The following NUDT21 variants were observed in gnomAD, a reference collection of about 807,000 sequenced individuals.
The protein encoded by NUDT21 is nudix hydrolase 21, also known as cleavage and polyadenylation specificity factor subunit 5.
NUDT21 carries 5 observed loss-of-function variants against 29.8 expected under a neutral mutation model. That is an observed-to-expected ratio of 0.17 (90% confidence interval 0.09 to 0.35). The LOEUF (loss-of-function observed/expected upper bound fraction) is 0.35. Ranked by LOEUF, NUDT21 falls within the 10% of genes least tolerant of loss-of-function variation. The probability of loss-of-function intolerance (pLI) is 1.00; values close to 1 mark genes in which losing one functional copy is unlikely to be tolerated. For synonymous variants in NUDT21, 113 were observed against 98.5 expected (o/e 1.15, Z -0.87); for missense variants, 76 against 276.0 (o/e 0.28, Z 5.13).
intron 6 of NUDT21, among the ~76,000 whole-genome samples, chr16:56,433,541 T>C (rs1386185302): frequency 6.6e-6 from 1 of 152,178 alleles, no homozygotes; most frequent in Non-Finnish European, 1.5e-5. Context: ...TTTAAAAAAC[T>C]GCATTTCTTA....
Position 56,430,039 on chromosome 16 carries a change from G to T in NUDT21, c.*2673C>A, listed in dbSNP as rs538364451. 1.7e-4 allele frequency: 26 copies of T among 152,240 alleles called. No individual in the cohort carries two copies. Among genetic ancestry groups the T allele is most frequent in the African/African-American group, 5.5e-4 (23 of 41,534 alleles). 9.4% of individuals were successfully genotyped at this position (152,240 alleles called of 1,614,324 possible). A position where few individuals can be genotyped will look rare whatever the true frequency, so the allele number is the denominator to read the frequency against. On this transcript the variant is annotated 3_prime_UTR_variant, in exon 7 of 7. Coordinates refer to ENST00000300291, the MANE Select transcript of NUDT21 (RefSeq NM_007006.3). ...GGAAGAAAACAGACTGGCTAATTTGGTCACACTTTGTCCAAATACAGTGTT... is the reference window on the plus strand; with the variant it reads ...GGAAGAAAACAGACTGGCTAATTTGTTCACACTTTGTCCAAATACAGTGTT...
intron 1 of NUDT21, among the ~76,000 whole-genome samples, chr16:56,450,793 C>T (rs1423113321): frequency 1.3e-5 from 2 of 152,198 alleles, no homozygotes; most frequent in African/African-American, 4.8e-5. Flanking sequence ...ATTTTGAAGT[C>T]GGTTACCTCT....
In NUDT21 at chr16:56,430,203, C is replaced by T. The variant is rs1389560014; in HGVS notation, c.*2509G>A. On this transcript the variant is annotated 3_prime_UTR_variant, in exon 7 of 7. Coordinates refer to ENST00000300291, the MANE Select transcript of NUDT21 (RefSeq NM_007006.3). The stretch of plus-strand genomic sequence containing the variant: ...ATTATTACGCCATTTTAAGTATTAT[C>T]TACTTTTTTAAAAAATCACAGTGGT... The T allele has an allele frequency of 1.3e-5, 2 of 152,190 alleles. No individual in the cohort carries two copies. The highest frequency in any genetic ancestry group is 4.8e-5 in the African/African-American group (2 of 41,452). 9.4% of individuals were successfully genotyped at this position (152,190 alleles called of 1,614,324 possible).
chr16:56,447,304 T>G (rs1962230345), intron 2 of NUDT21, among the ~76,000 whole-genome samples: 1 of 152,202 alleles, frequency 6.6e-6, no homozygotes, highest in African/African-American at 2.4e-5. Context: ...AATGGGAAAC[T>G]TTTTCAAGAA....
intron 3 of NUDT21, among the ~76,000 whole-genome samples, chr16:56,444,092 C>A (rs1468236079): frequency 5.3e-5 from 8 of 152,076 alleles, no homozygotes; most frequent in African/African-American, 1.9e-4. Flanking sequence ...CCAGCCTGGG[C>A]AACATAGCAC....
chr16:56,441,725 A>G (rs1324067636), intron 3 of NUDT21, among the ~76,000 whole-genome samples: 1 of 152,192 alleles, frequency 6.6e-6, no homozygotes, highest in Non-Finnish European at 1.5e-5. Context: ...CAGAGCAATG[A>G]TTAGCAAACC....
rs1644088520 is a variant in NUDT21 at position 56,429,989 on chromosome 16, C to G, written c.*2723G>C. The G allele has an allele frequency of 6.6e-6, 1 of 152,166 alleles. No individual in the cohort carries two copies. Among genetic ancestry groups the G allele is most frequent in the African/African-American group, 2.4e-5 (1 of 41,432 alleles). The allele number at this position is 152,166 out of a possible 1,614,324, so 9.4% of individuals were successfully genotyped here. A position where few individuals can be genotyped will look rare whatever the true frequency, so the allele number is the denominator to read the frequency against. ...CTGGCCTGTTGAATTTGAAGTACTT[C>G]TACCTCTCACTTCTAATTAAACATG... On this transcript the variant is annotated 3_prime_UTR_variant, in exon 7 of 7. Coordinates refer to ENST00000300291, the MANE Select transcript of NUDT21 (RefSeq NM_007006.3).
intron 5 of NUDT21, 73 bp from the exon 6 acceptor site, chr16:56,434,518 A>AT: frequency 1.1e-6 from 1 of 896,124 alleles, no homozygotes; most frequent in Non-Finnish European, 1.8e-6. Flanking sequence ...TAAATTACCA[A>AT]TTTTACATTT....
intron 1 of NUDT21, among the ~76,000 whole-genome samples, chr16:56,450,340 T>A (rs189166679): frequency 6.6e-6 from 1 of 152,244 alleles, no homozygotes; most frequent in African/African-American, 2.4e-5. Flanking sequence ...ATGCAATGGT[T>A]TGAAGTGTTG....
At chr16:56,450,810 G>T (rs576228030) in intron 1 of NUDT21, among the ~76,000 whole-genome samples, 13 of 152,350 alleles carry the variant, frequency 8.5e-5, no homozygotes, top group Middle Eastern at 3.4e-3. Flanking sequence ...CTCTGGAGAG[G>T]TGGGGAAAGG....
intron 1 of NUDT21, 136 bp from the exon 2 acceptor site, chr16:56,448,125 A>C (rs572790153): frequency 2.9e-6 from 2 of 681,930 alleles, no homozygotes. Context: ...CAGTTAACTA[A>C]AGTTAATGAA....
intron 5 of NUDT21, 37 bp downstream of exon 5, chr16:56,434,716 AT>A: frequency 7.5e-7 from 1 of 1,332,534 alleles, no homozygotes. Flanking sequence ...ATTCTACAGA[AT>A]TTTTAGATGG....
chr16:56,446,597 G>C, intron 3 of NUDT21, 29 bp downstream of exon 3: 2 of 1,319,186 alleles, frequency 1.5e-6, no homozygotes, highest in Non-Finnish European at 2.2e-6. Context: ...TAAGTTGATG[G>C]TATTCAAAGT....
At chr16:56,446,142 G>C (rs1962215093) in intron 3 of NUDT21, among the ~76,000 whole-genome samples, 1 of 152,168 alleles carries the variant, frequency 6.6e-6, no homozygotes, top group Admixed American at 6.5e-5. Flanking sequence ...TTTTTAAAAA[G>C]TAGAATAATT....
intron 4 of NUDT21, among the ~76,000 whole-genome samples, chr16:56,435,630 G>A (rs1163407757): frequency 6.9e-6 from 1 of 145,656 alleles, no homozygotes; most frequent in Non-Finnish European, 1.5e-5. Flanking sequence ...GGAGGCTGAG[G>A]CAGGAGAATG....
At position 56,451,230 on chromosome 16, in the gene NUDT21, G is replaced by A. The variant is rs767660765; in HGVS notation, c.-28C>T. ...TGGCGAGCTCCGGCGCTGACGGCGA[G>A]CAGAAAGTGGCAGGCAGGGTAGACT... On this transcript the variant is annotated 5_prime_UTR_variant, in exon 1 of 7. Coordinates refer to ENST00000300291, the MANE Select transcript of NUDT21 (RefSeq NM_007006.3). 41 of 1,520,498 alleles carry A rather than the reference G, an allele frequency of 2.7e-5. No individual in the cohort carries two copies. The highest frequency in any genetic ancestry group is 3.3e-5 in the Non-Finnish European group (37 of 1,111,986). 94.2% of individuals were successfully genotyped at this position (1,520,498 alleles called of 1,614,324 possible). A position where few individuals can be genotyped will look rare whatever the true frequency, so the allele number is the denominator to read the frequency against.
intron 3 of NUDT21, among the ~76,000 whole-genome samples, chr16:56,445,521 C>A (rs1245454396): frequency 1.3e-5 from 2 of 152,214 alleles, no homozygotes; most frequent in African/African-American, 2.4e-5. Context: ...CAGCTAAACA[C>A]TTCTGGTCCC....
chr16:56,440,484 C>CCT (rs1962146972), intron 3 of NUDT21, among the ~76,000 whole-genome samples: 1 of 152,164 alleles, frequency 6.6e-6, no homozygotes, highest in Non-Finnish European at 1.5e-5. Flanking sequence ...TTCCGAGGTT[C>CCT]CTCTACATTG....
chr16:56,449,308 T>C (rs1962252116), intron 1 of NUDT21: 2 of 152,198 alleles, frequency 1.3e-5, no homozygotes, highest in South Asian at 4.1e-4. Flanking sequence ...GACATACATA[T>C]TGTTCTCATC....
Sources: allele counts gnomAD v4.1 joint callset (sites outside exome capture counted in the v4.1 genomes callset), GRCh38; gene constraint gnomAD v4.1.1; transcripts MANE v1.5; gene names NCBI Gene and HGNC (gene_info 2026-07-23, HGNC 2026-07-21).